The following DTNA variants were observed in gnomAD, a reference collection of about 807,000 sequenced individuals.
The protein encoded by DTNA is dystrobrevin alpha.
DTNA carries 43 observed loss-of-function variants against 100.7 expected under a neutral mutation model. The ratio of observed to expected loss-of-function variants is 0.43; its 90% CI spans 0.33 to 0.55. DTNA has a LOEUF of 0.55. Among genes scored for constraint, DTNA ranks in the 20% least tolerant of loss-of-function variants. The probability of loss-of-function intolerance (pLI) is 0.04; values close to 1 mark genes in which losing one functional copy is unlikely to be tolerated. For synonymous variants in DTNA, 349 were observed against 347.9 expected, an observed-to-expected ratio of 1.00 and a Z score of -0.04; for missense variants, 798 against 953.9, an observed-to-expected ratio of 0.84 and a Z score of 2.15.
At chr18:34,612,714 C>T (rs867156388) in intron 1 of DTNA, among the ~76,000 whole-genome samples, 2 of 152,194 alleles carry the variant, frequency 1.3e-5, no homozygotes, top group South Asian at 4.1e-4. Flanking sequence ...CATTATTACA[C>T]GTTGACATTT....
intron 11 of DTNA, 24 bp downstream of exon 11, chr18:34,829,513 C>A: frequency 6.7e-7 from 1 of 1,496,020 alleles, no homozygotes; most frequent in Non-Finnish European, 8.9e-7. Context: ...CCCTGAATTG[C>A]TAATCGTAGT....
At chr18:34,778,799 A>G (rs2094181507) in intron 3 of DTNA, among the ~76,000 whole-genome samples, 1 of 145,180 alleles carries the variant, frequency 6.9e-6, no homozygotes, top group South Asian at 2.2e-4. Flanking sequence ...CTATATATAT[A>G]GGGAAAGTTT....
intron 1 of DTNA, among the ~76,000 whole-genome samples, chr18:34,496,711 A>C (rs1464442033): frequency 1.3e-5 from 2 of 152,156 alleles, no homozygotes; most frequent in Non-Finnish European, 2.9e-5. Flanking sequence ...TTGTAAGTTG[A>C]GCTAAGTTTC....
Position 34,794,098 on chromosome 18 carries a change from G to A in DTNA, c.210G>A (p.Leu70=), listed in dbSNP as rs117571555. ...TGCGGGAAAATGCTCTGAACAACCTGGACCCAAACACTGAACTCAACGTGT... is the reference window on the plus strand; with the variant it reads ...TGCGGGAAAATGCTCTGAACAACCTAGACCCAAACACTGAACTCAACGTGT... ...EALRENALNN[L]DPNTELNVSR... is the part of the protein sequence containing the mutation. The change falls in exon 4 of 23, where the codon CTG becomes CTA. Residue 70 remains leucine, a synonymous_variant. Coordinates refer to ENST00000444659, the MANE Select transcript of DTNA (RefSeq NM_001386795.1). 7.4e-3 allele frequency: 11,970 copies of A among 1,614,098 alleles called. 61 individuals carry two copies. The highest frequency in any genetic ancestry group is 9.5e-3 in the Non-Finnish European group (11,236 of 1,180,020).
intron 1 of DTNA, among the ~76,000 whole-genome samples, chr18:34,685,297 T>C (rs999549821): frequency 6.6e-6 from 1 of 152,204 alleles, no homozygotes; most frequent in African/African-American, 2.4e-5. Flanking sequence ...CTTTAATCCA[T>C]CTTGAGTTAA....
intron 1 of DTNA, among the ~76,000 whole-genome samples, chr18:34,681,319 G>A (rs752031543): frequency 6.6e-6 from 1 of 152,140 alleles, no homozygotes. Flanking sequence ...TAAATGTAAA[G>A]TTGGGCAGGG....
At chr18:34,746,211 G>A (rs1378087571) in intron 1 of DTNA, among the ~76,000 whole-genome samples, 1 of 150,188 alleles carries the variant, frequency 6.7e-6, no homozygotes, top group Admixed American at 6.6e-5. Context: ...AATTATTTGG[G>A]GTTTTTTTTC....
chr18:34,731,694 G>A lies in DTNA; in HGVS notation c.-2+21249G>A, dbSNP rs142737548. On this transcript the variant is annotated intron_variant, in intron 1 of 22. Transcript: ENST00000444659. ...TTTGTGTAATCATCTCTTAATGTAT[G>A]TCTCCCTGAAGTTCCCTGATGGCAG... Among the ~76,000 whole-genome samples the A allele has an allele frequency of 2.1e-3, 315 of 152,256 alleles. 2 individuals are homozygous for A. The highest frequency in any genetic ancestry group is 7.3e-3 in the African/African-American group (303 of 41,536).
intron 1 of DTNA, among the ~76,000 whole-genome samples, chr18:34,524,009 G>C (rs1414556442): frequency 6.6e-6 from 1 of 152,186 alleles, no homozygotes; most frequent in Non-Finnish European, 1.5e-5. Context: ...CTAGGGATTT[G>C]AGTAGGTCAC....
At chr18:34,772,869 T>G (rs2093852019) in intron 3 of DTNA, among the ~76,000 whole-genome samples, 1 of 152,242 alleles carries the variant, frequency 6.6e-6, no homozygotes, top group African/African-American at 2.4e-5. Flanking sequence ...GATTCTCATG[T>G]TGGGATCAAG....
At chr18:34,561,086 T>C (rs2046592357) in intron 1 of DTNA, among the ~76,000 whole-genome samples, 3 of 152,328 alleles carry the variant, frequency 2.0e-5, no homozygotes, top group South Asian at 4.1e-4. Context: ...AATGTGATCA[T>C]TATGAGATGG....
intron 1 of DTNA, among the ~76,000 whole-genome samples, chr18:34,560,723 T>A (rs969453807): frequency 1.3e-5 from 2 of 152,204 alleles, no homozygotes; most frequent in Admixed American, 1.3e-4. Context: ...CTGGGCAACA[T>A]ACTGAAACCC....
intron 1 of DTNA, among the ~76,000 whole-genome samples, chr18:34,714,163 T>C (rs1355659721): frequency 6.6e-6 from 1 of 152,090 alleles, no homozygotes; most frequent in Non-Finnish European, 1.5e-5. Context: ...ATTCAGGACA[T>C]AGGCATGGGC....
intron 1 of DTNA, among the ~76,000 whole-genome samples, chr18:34,498,464 ATAAT>A (rs2039525154): frequency 6.8e-6 from 1 of 148,042 alleles, no homozygotes; most frequent in Non-Finnish European, 1.5e-5. Flanking sequence ...AATAATAATA[ATAAT>A]AATAATAATA....
At chr18:34,809,959 C>T in intron 5 of DTNA, among the ~76,000 whole-genome samples, 1 of 152,138 alleles carries the variant, frequency 6.6e-6, no homozygotes, top group East Asian at 1.9e-4. Context: ...TGTGCCATGG[C>T]AACCTAAACA....
chr18:34,840,012 A>T (rs1332867510), intron 13 of DTNA, among the ~76,000 whole-genome samples: 1 of 152,098 alleles, frequency 6.6e-6, no homozygotes, highest in African/African-American at 2.4e-5. Flanking sequence ...GTATTTTCAA[A>T]ATTTTCTTCC....
chr18:34,644,717 C>T (rs2059648199), intron 1 of DTNA, among the ~76,000 whole-genome samples: 1 of 152,072 alleles, frequency 6.6e-6, no homozygotes, highest in African/African-American at 2.4e-5. Context: ...TTCATTTCAA[C>T]CAGTCTTTTT....
chr18:34,818,595 T>C (rs886397953), intron 8 of DTNA: 1 of 1,305,128 alleles, frequency 7.7e-7, no homozygotes. Context: ...CAGTACTGAT[T>C]TAAATAACAA....
intron 1 of DTNA, among the ~76,000 whole-genome samples, chr18:34,507,369 A>G (rs1601244706): frequency 1.3e-5 from 2 of 152,238 alleles, no homozygotes; most frequent in Non-Finnish European, 2.9e-5. Context: ...TAGTGAATGC[A>G]GAATCTATAT....
Sources: allele counts gnomAD v4.1 joint callset (sites outside exome capture counted in the v4.1 genomes callset), GRCh38; gene constraint gnomAD v4.1.1; transcripts MANE v1.5; gene names NCBI Gene and HGNC (gene_info 2026-07-23, HGNC 2026-07-21).